The following EXT1 variants were observed in gnomAD, a reference collection of about 807,000 sequenced individuals.
EXT1 encodes exostosin-1.
Under a neutral mutation model 82.5 loss-of-function variants are expected in EXT1, and 20 were observed. The ratio of observed to expected loss-of-function variants is 0.24; its 90% CI spans 0.17 to 0.35. EXT1 has a LOEUF of 0.35. EXT1 is among the 10% of genes least tolerant of loss of function. EXT1 has a pLI of 1.00. For missense variants in EXT1, 757 were observed against 936.5 expected, an observed-to-expected ratio of 0.81 and a Z score of 2.50; for synonymous variants, 348 against 350.8, an observed-to-expected ratio of 0.99 and a Z score of 0.09.
At chr8:117,954,171 G>A (rs1814545073) in intron 1 of EXT1, among the ~76,000 whole-genome samples, 2 of 152,098 alleles carry the variant, frequency 1.3e-5, no homozygotes, top group Admixed American at 6.5e-5. Context: ...CTTGACCCGC[G>A]ACTAATGGAA....
intron 1 of EXT1, among the ~76,000 whole-genome samples, chr8:118,058,665 T>C (rs1248303716): frequency 6.6e-6 from 1 of 152,156 alleles, no homozygotes; most frequent in Non-Finnish European, 1.5e-5. Context: ...TTCCATAAAA[T>C]TTTCCACTCA....
intron 1 of EXT1, among the ~76,000 whole-genome samples, chr8:118,017,637 T>A (rs1373119767): frequency 1.3e-5 from 2 of 152,240 alleles, no homozygotes; most frequent in Admixed American, 6.5e-5. Context: ...GAAAATCTCC[T>A]AATTGGCAGA....
At chr8:118,076,538 A>C (rs912221139) in intron 1 of EXT1, among the ~76,000 whole-genome samples, 1 of 152,200 alleles carries the variant, frequency 6.6e-6, no homozygotes, top group Non-Finnish European at 1.5e-5. Flanking sequence ...CACCTCCTCA[A>C]AGGCCTTGAA....
At chr8:117,936,301 C>T (rs1359502374) in intron 1 of EXT1, among the ~76,000 whole-genome samples, 2 of 152,174 alleles carry the variant, frequency 1.3e-5, no homozygotes, top group Non-Finnish European at 2.9e-5. Context: ...GTCACAGACT[C>T]CACTAGTCCA....
Position 118,098,559 on chromosome 8 carries a change from G to A in EXT1, c.962+11526C>T, listed in dbSNP as rs183041389. ...ATCACGAGGTCAGGAGATCAAGACC[G>A]TCCTGGCTAACATGGTGAAACCCCG... On this transcript the variant is annotated intron_variant, in intron 1 of 10. Transcript: ENST00000378204. Among the ~76,000 whole-genome samples, 624 of 152,040 alleles carry A rather than the reference G, an allele frequency of 4.1e-3. 22 individuals are homozygous for A. The highest frequency in any genetic ancestry group is 0.032 in the Admixed American group (494 of 15,266).
At chr8:118,010,168 C>A (rs533802729) in intron 1 of EXT1, among the ~76,000 whole-genome samples, 1 of 151,816 alleles carries the variant, frequency 6.6e-6, no homozygotes, top group South Asian at 2.1e-4. Context: ...GTCAGGAGCT[C>A]GAGACCATCC....
intron 1 of EXT1, among the ~76,000 whole-genome samples, chr8:117,993,315 G>A (rs1235245226): frequency 1.3e-5 from 2 of 152,162 alleles, no homozygotes; most frequent in African/African-American, 4.8e-5. Context: ...ACTGATGGAG[G>A]AAACACTAGC....
At chr8:117,932,300 G>T (rs767850999) in intron 1 of EXT1, among the ~76,000 whole-genome samples, 4 of 152,134 alleles carry the variant, frequency 2.6e-5, no homozygotes, top group Non-Finnish European at 5.9e-5. Flanking sequence ...TTAACCAAAT[G>T]CTGGCTGGGG....
chr8:117,941,113 T>C (rs1338846272), intron 1 of EXT1, among the ~76,000 whole-genome samples: 3 of 152,142 alleles, frequency 2.0e-5, no homozygotes, highest in Non-Finnish European at 4.4e-5. Context: ...TCTCAATAAG[T>C]CACTTGCATG....
At chr8:117,986,025 CT>C (rs1554591438) in intron 1 of EXT1, among the ~76,000 whole-genome samples, 1 of 151,900 alleles carries the variant, frequency 6.6e-6, no homozygotes, top group Non-Finnish European at 1.5e-5. Flanking sequence ...GTATTCTTGA[CT>C]TTTTTTTACT....
intron 1 of EXT1, among the ~76,000 whole-genome samples, chr8:117,970,232 G>A (rs1482883647): frequency 6.6e-6 from 1 of 151,916 alleles, no homozygotes; most frequent in Non-Finnish European, 1.5e-5. Context: ...GACTCTCCCA[G>A]AGAACCTACA....
chr8:117,860,601 G>GA lies in EXT1; in HGVS notation c.963-23401dup, dbSNP rs1812665660. Among the ~76,000 whole-genome samples, 4 of 152,212 alleles carry GA rather than the reference G, an allele frequency of 2.6e-5. No individual in the cohort carries two copies. In the South Asian group the frequency reaches 8.3e-4, roughly 32 times the overall value. On this transcript the variant is annotated intron_variant, in intron 1 of 10. Coordinates refer to ENST00000378204, the MANE Select transcript of EXT1 (RefSeq NM_000127.3). ...GGACTATCTGCGGTTGCAAATTGGAGAATCACAAGCAGTATCCTTCTGGCA... is the reference window on the plus strand; with the variant it reads ...GGACTATCTGCGGTTGCAAATTGGAGAAATCACAAGCAGTATCCTTCTGGCA...
rs1563582107 is a variant in EXT1, at chr8:117,858,796, AAGGC to A, written c.963-21599_963-21596del. Among the ~76,000 whole-genome samples the A allele has an allele frequency of 2.5e-4, 23 of 93,632 alleles. 1 individual carries two copies. The highest frequency in any genetic ancestry group is 1.2e-3 in the African/African-American group (22 of 18,484). 61.4% of individuals were successfully genotyped at this position (93,632 alleles called of 152,430 possible). A position where few individuals can be genotyped will look rare whatever the true frequency, so the allele number is the denominator to read the frequency against. ...AGGCAGGCAGGCAGGCAGGCAAGGC[AAGGC>A]AAGGCAAGGCAGGAAGGAAGGAAGG... On this transcript the variant is annotated intron_variant, in intron 1 of 10. Coordinates refer to ENST00000378204, the MANE Select transcript of EXT1 (RefSeq NM_000127.3).
In EXT1 at chr8:117,830,222, T is replaced by C. The variant is rs201294017; in HGVS notation, c.1284+8A>G. 3 of 1,613,820 alleles carry C rather than the reference T, an allele frequency of 1.9e-6. No individual in the cohort carries two copies. The African/African-American group carries it at 4.0e-5, about 22-fold the overall frequency. ...ATTCAAGCCCAAGAGCCAAGTGGTC[T>C]CACTTACCTCTAGTGTAGTTAATAC... On this transcript the variant is annotated splice_region_variant and intron_variant, in intron 4 of 10. Transcript: ENST00000378204.
intron 1 of EXT1, among the ~76,000 whole-genome samples, chr8:117,957,613 A>G (rs553957575): frequency 6.6e-6 from 1 of 152,362 alleles, no homozygotes; most frequent in East Asian, 1.9e-4. Flanking sequence ...GTTTATAAAA[A>G]GGCAAACTCC....
intron 1 of EXT1, among the ~76,000 whole-genome samples, chr8:117,903,330 G>A (rs149095649): frequency 1.3e-5 from 2 of 152,190 alleles, no homozygotes; most frequent in African/African-American, 4.8e-5. Context: ...TGCCAGTTTA[G>A]CTCCATGGAT....
chr8:117,795,778 G>A lies in EXT1; in HGVS notation c.*3934C>T, dbSNP rs1563870519. The A allele has an allele frequency of 6.6e-6, 1 of 152,010 alleles. No homozygotes were observed. The highest frequency in any genetic ancestry group is 2.4e-5 in the African/African-American group (1 of 41,390). 9.4% of individuals were successfully genotyped at this position (152,010 alleles called of 1,614,324 possible). On this transcript the variant is annotated 3_prime_UTR_variant, in exon 11 of 11. Coordinates refer to ENST00000378204, the MANE Select transcript of EXT1 (RefSeq NM_000127.3). ...ATCACACCAATGCATTCCAGCCTGG[G>A]TGACAGGGCAAGACTCTGTCTCAAA...
intron 1 of EXT1, among the ~76,000 whole-genome samples, chr8:118,017,812 G>A (rs938643731): frequency 1.4e-4 from 21 of 152,198 alleles, no homozygotes; most frequent in Admixed American, 1.2e-3. Context: ...CCCTGCACAC[G>A]ATCATGTACA....
chr8:118,095,332 ATTT>A (rs756531031), intron 1 of EXT1, among the ~76,000 whole-genome samples: 1 of 152,362 alleles, frequency 6.6e-6, no homozygotes, highest in East Asian at 1.9e-4. Context: ...AGGTACTTAA[ATTT>A]TAACTTATCA....
Sources: gnomAD v4.1 joint callset for allele counts (sites outside exome capture counted in the v4.1 genomes callset) on GRCh38, gnomAD v4.1.1 for gene constraint, MANE v1.5 for transcripts, NCBI Gene and HGNC (gene_info 2026-07-23, HGNC 2026-07-21) for gene names.